The following DIAPH2 variants were observed in gnomAD, a reference collection of about 807,000 sequenced individuals.
The protein encoded by DIAPH2 is diaphanous related formin 2, also known as protein diaphanous homolog 2.
Under a neutral mutation model 92.7 loss-of-function variants are expected in DIAPH2, and 35 were observed. The observed-to-expected ratio is 0.38, with a 90% CI of 0.29 to 0.50. The LOEUF (loss-of-function observed/expected upper bound fraction) is 0.50, where lower values mean the gene tolerates loss of function less well. Among genes scored for constraint, DIAPH2 ranks in the 20% least tolerant of loss-of-function variants. The pLI is 0.94. For missense variants in DIAPH2, 701 were observed against 819.5 expected, an observed-to-expected ratio of 0.86 and a Z score of 1.77; for synonymous variants, 301 against 280.4, an observed-to-expected ratio of 1.07 and a Z score of -0.73.
At chrX:97,461,555 C>T (rs968685192) in intron 26 of DIAPH2, among the ~76,000 whole-genome samples, 5 of 111,324 alleles carry the variant, frequency 4.5e-5, no homozygotes, top group African/African-American at 1.6e-4. Flanking sequence ...TATTGACAAG[C>T]CTGAAGAAAG....
At chrX:97,583,879 G>A (rs950988728) in intron 26 of DIAPH2, among the ~76,000 whole-genome samples, 6 of 112,435 alleles carry the variant, frequency 5.3e-5, no homozygotes, top group East Asian at 2.8e-4. Flanking sequence ...CTCGTGGTGC[G>A]CCATTTTTTA....
intron 23 of DIAPH2, among the ~76,000 whole-genome samples, chrX:97,288,740 C>CAAA (rs1167955541): frequency 1.9e-5 from 1 of 52,478 alleles, no homozygotes; most frequent in East Asian, 6.8e-4. Flanking sequence ...GACTCTGTCT[C>CAAA]AAAAAAAAAA....
chrX:97,432,838 G>A (rs1027118089), intron 26 of DIAPH2, among the ~76,000 whole-genome samples: 1 of 111,532 alleles, frequency 9.0e-6, no homozygotes, highest in African/African-American at 3.3e-5. Flanking sequence ...GCCCAGGCTG[G>A]TCTCGAACTC....
At chrX:96,782,532 C>T (rs138296430) in intron 4 of DIAPH2, among the ~76,000 whole-genome samples, 10 of 111,536 alleles carry the variant, frequency 9.0e-5, no homozygotes, top group African/African-American at 3.3e-4. Context: ...ATCTCCTGAC[C>T]TCGTGATCCG....
At chrX:97,542,261 T>C (rs1350204847) in intron 26 of DIAPH2, among the ~76,000 whole-genome samples, 1 of 111,768 alleles carries the variant, frequency 8.9e-6, no homozygotes, top group Non-Finnish European at 1.9e-5. Flanking sequence ...AGTCAGAAAG[T>C]CTTCAGTAAG....
intron 25 of DIAPH2, among the ~76,000 whole-genome samples, chrX:97,412,836 A>C (rs1376315269): frequency 1.0e-4 from 11 of 109,797 alleles, no homozygotes; most frequent in Admixed American, 7.8e-4. Context: ...CACATACACC[A>C]TCCCAAGACT....
At chrX:96,883,204 T>C (rs1436705681) in intron 5 of DIAPH2, among the ~76,000 whole-genome samples, 1 of 110,385 alleles carries the variant, frequency 9.1e-6, no homozygotes, top group African/African-American at 3.3e-5. Flanking sequence ...TTGAAATATA[T>C]TAATTACTTA....
intron 21 of DIAPH2, among the ~76,000 whole-genome samples, chrX:97,139,960 A>G (rs1214110959): frequency 9.0e-6 from 1 of 110,620 alleles, no homozygotes; most frequent in African/African-American, 3.3e-5. Context: ...ACTATAATGT[A>G]CTTGTACAAT....
intron 4 of DIAPH2, among the ~76,000 whole-genome samples, chrX:96,811,983 T>C (rs945809016): frequency 6.3e-5 from 7 of 111,620 alleles, no homozygotes; most frequent in African/African-American, 2.3e-4. Context: ...AAAATTCTCT[T>C]TTTTTGTTGT....
chrX:97,031,945 G>A (rs760432007), intron 17 of DIAPH2, among the ~76,000 whole-genome samples: 1 of 111,783 alleles, frequency 8.9e-6, no homozygotes, highest in South Asian at 3.8e-4. Flanking sequence ...ATGTGTTAAG[G>A]TTTGAGAAAC....
intron 17 of DIAPH2, among the ~76,000 whole-genome samples, chrX:96,984,384 A>G (rs1184442938): frequency 2.7e-5 from 3 of 110,687 alleles, no homozygotes; most frequent in Non-Finnish European, 5.7e-5. Flanking sequence ...GAAATTTGCT[A>G]TGTAGGTCCA....
Position 97,175,904 on chromosome X carries a change from GACA to G in DIAPH2, c.2719+34114_2719+34116del, listed in dbSNP as rs755571359. 3.6e-5 allele frequency among the ~76,000 whole-genome samples: 4 copies of G among 112,281 alleles called. No homozygotes were observed. In the South Asian group the frequency reaches 1.5e-3, roughly 42 times the overall value. On this transcript the variant is annotated intron_variant, in intron 22 of 26. Coordinates refer to ENST00000324765, the MANE Select transcript of DIAPH2 (RefSeq NM_006729.5). ...TATATGATGACTATGTAAATTAACT[GACA>G]ACATATCTTCTTTGGTGTTTATTTG...
intron 26 of DIAPH2, among the ~76,000 whole-genome samples, chrX:97,569,561 C>T (rs561206152): frequency 2.7e-5 from 3 of 111,088 alleles, no homozygotes; most frequent in South Asian, 7.6e-4. Context: ...GTGGATAGTG[C>T]GTGATATAAA....
chrX:97,514,343 C>G (rs1341673638), intron 26 of DIAPH2, among the ~76,000 whole-genome samples: 2 of 112,087 alleles, frequency 1.8e-5, no homozygotes, highest in Non-Finnish European at 3.8e-5. Flanking sequence ...GTTCTCGAGC[C>G]TTGGTTTTCA....
chrX:97,439,730 G>A (rs1162454152), intron 26 of DIAPH2, among the ~76,000 whole-genome samples: 1 of 86,866 alleles, frequency 1.2e-5, no homozygotes, highest in African/African-American at 4.3e-5. Flanking sequence ...CCAGGTGACA[G>A]AGCCAGACTC....
At chrX:97,422,324 A>G (rs1302170693) in intron 25 of DIAPH2, among the ~76,000 whole-genome samples, 2 of 111,370 alleles carry the variant, frequency 1.8e-5, no homozygotes. Context: ...TTTTACATGA[A>G]ATTATAATAA....
intron 24 of DIAPH2, among the ~76,000 whole-genome samples, chrX:97,359,734 C>T (rs974563466): frequency 1.8e-5 from 2 of 108,463 alleles, no homozygotes; most frequent in Non-Finnish European, 3.8e-5. Flanking sequence ...CCTGCCACCA[C>T]GCCTGGCTAA....
chrX:97,321,077 C>G (rs2068889868), intron 23 of DIAPH2, among the ~76,000 whole-genome samples: 1 of 111,160 alleles, frequency 9.0e-6, no homozygotes, highest in Admixed American at 9.7e-5. Context: ...ATTTAGAATA[C>G]CATTATACAA....
chrX:96,983,031 G>A (rs958242989), intron 17 of DIAPH2, among the ~76,000 whole-genome samples: 2 of 109,649 alleles, frequency 1.8e-5, no homozygotes, highest in Admixed American at 9.8e-5. Flanking sequence ...CCATATTTTG[G>A]GGGGAGTGCG....
Sources: gnomAD v4.1 joint callset for allele counts (sites outside exome capture counted in the v4.1 genomes callset) on GRCh38, gnomAD v4.1.1 for gene constraint, MANE v1.5 for transcripts, NCBI Gene and HGNC (gene_info 2026-07-23, HGNC 2026-07-21) for gene names.